Variants in SSC4D observed in about 807,000 individuals in gnomAD.
The protein encoded by SSC4D is scavenger receptor cysteine rich family member with 4 domains.
A neutral mutation model predicts 63.4 loss-of-function variants in SSC4D; 57 were observed. The ratio of observed to expected loss-of-function variants is 0.90; its 90% CI spans 0.73 to 1.12. SSC4D has a LOEUF of 1.12. Among genes scored for constraint, SSC4D ranks in the 50% most tolerant of loss-of-function variants. SSC4D has a pLI of 0.00. For synonymous variants in SSC4D, 352 were observed against 345.4 expected (o/e 1.02, Z -0.21); for missense variants, 791 against 806.4 (o/e 0.98, Z 0.23).
rs964194226 is a variant in SSC4D, at chr7:76,389,994, C to T, written c.*65G>A. On this transcript the variant is annotated 3_prime_UTR_variant, in exon 11 of 11. Transcript: ENST00000275560. ...AACTGTAGTCATCACAAGAGGAGGG[C>T]TTCCTGGAGGAGGAAGGGAGGTCAC... is the stretch of plus-strand genomic sequence containing the variant. The T allele has an allele frequency of 2.5e-6, 4 of 1,599,990 alleles. No individual in the cohort carries two copies. In the African/African-American group the frequency reaches 4.0e-5, roughly 16 times the overall value.
At chr7:76,407,368 G>T (rs1305347464) in intron 1 of SSC4D, among the ~76,000 whole-genome samples, 1 of 150,496 alleles carries the variant, frequency 6.6e-6, no homozygotes, top group Non-Finnish European at 1.5e-5. Flanking sequence ...GTCTCGCCTT[G>T]TCGCCCAGGC....
Position 76,390,343 on chromosome 7 carries a change from A to G in SSC4D, c.1444T>C (p.Cys482Arg), listed in dbSNP as rs775419001. Residue 482 changes from cysteine to arginine, a missense_variant, in exon 11 of 11, where the codon TGC becomes CGC. Coordinates refer to ENST00000275560, the MANE Select transcript of SSC4D (RefSeq NM_080744.2). ...AGGTAGAGCTCTACACGTCCCTCGC[A>G]TCGGTGGGCTCCATTGACCAGACGT... ...HLRLVNGAHR[C>R]EGRVELYLGQ... The G allele has an allele frequency of 1.9e-6, 3 of 1,604,326 alleles. No homozygotes were observed. The highest frequency in any genetic ancestry group is 1.7e-5 in the Admixed American group (1 of 59,358).
chr7:76,405,049 G>A (rs1292045352), intron 1 of SSC4D, among the ~76,000 whole-genome samples: 1 of 151,148 alleles, frequency 6.6e-6, no homozygotes, highest in East Asian at 2.0e-4. Flanking sequence ...CAGCCTGGGC[G>A]ACAGAGCAAG....
intron 2 of SSC4D, among the ~76,000 whole-genome samples, chr7:76,403,170 T>C (rs1804883927): frequency 6.6e-6 from 1 of 152,066 alleles, no homozygotes; most frequent in African/African-American, 2.4e-5. Flanking sequence ...TGCTTGAGAG[T>C]GGAGGTGGGA....
Position 76,400,358 on chromosome 7 carries a change from T to C in SSC4D, c.403A>G (p.Ser135Gly). The change falls in exon 4 of 11, where the codon AGC becomes GGC. Residue 135 changes from serine (S) to glycine (G), a missense_variant. By Grantham distance (56) the Ser-to-Gly change is moderately conservative (BLOSUM62 0). Coordinates refer to ENST00000275560, the MANE Select transcript of SSC4D (RefSeq NM_080744.2). ...CCCCAGCCGCGGCTGCCGCACTCGCTCAGCGCAGCTTCCTGCCCGCGGCAC... is the reference window on the plus strand; with the variant it reads ...CCCCAGCCGCGGCTGCCGCACTCGCCCAGCGCAGCTTCCTGCCCGCGGCAC... ...VECRGQEAAL[S>G]ECGSRGWGVH... 1 of 1,563,988 alleles carries C rather than the reference T, an allele frequency of 6.4e-7. No homozygotes were observed. Among genetic ancestry groups the C allele is most frequent in the Non-Finnish European group, 8.7e-7 (1 of 1,150,988 alleles).
intron 2 of SSC4D, among the ~76,000 whole-genome samples, chr7:76,402,499 G>A (rs112991273): frequency 0.025 from 3,832 of 151,446 alleles, 123 homozygotes; most frequent in East Asian, 0.13. Flanking sequence ...TTAATTTTTT[G>A]TAGAGACAGG....
chr7:76,389,722 A>C lies in SSC4D; in HGVS notation c.*337T>G. The C allele has an allele frequency of 3.7e-6, 1 of 266,872 alleles. No individual in the cohort carries two copies. Among genetic ancestry groups the C allele is most frequent in the South Asian group, 5.8e-5 (1 of 17,338 alleles). 16.5% of individuals were successfully genotyped at this position (266,872 alleles called of 1,614,324 possible). A position where few individuals can be genotyped will look rare whatever the true frequency, so the allele number is the denominator to read the frequency against. Reference sequence around the variant, plus strand: ...CCCCTGAGCCTCCTGGATCTAGGTCAAGGAAGGCAGAGTCTGGTGCTATAA... The same window carrying C: ...CCCCTGAGCCTCCTGGATCTAGGTCCAGGAAGGCAGAGTCTGGTGCTATAA... On this transcript the variant is annotated 3_prime_UTR_variant, in exon 11 of 11. Transcript: ENST00000275560.
chr7:76,395,426 G>A (rs2115754300), intron 6 of SSC4D, 96 bp from the exon 7 acceptor site: 1 of 1,270,030 alleles, frequency 7.9e-7, no homozygotes, highest in African/African-American at 1.5e-5. Context: ...TCTGCCTGGA[G>A]GAGAGAATAG....
At chr7:76,405,394 C>T (rs2115809432) in intron 1 of SSC4D, among the ~76,000 whole-genome samples, 1 of 109,784 alleles carries the variant, frequency 9.1e-6, no homozygotes, top group East Asian at 3.0e-4. Context: ...ATTGGCCAGG[C>T]TGGTTTCGAA....
Position 76,393,923 on chromosome 7 carries a change from T to G in SSC4D, c.947-19A>C. ...CCTGTAGCTGTGGAGACAGGGCATC[T>G]AGGGCGTTCGAAGGGGACGAGGAGG... is the stretch of plus-strand genomic sequence containing the variant. On this transcript the variant is annotated intron_variant, in intron 7 of 10. Coordinates refer to ENST00000275560, the MANE Select transcript of SSC4D (RefSeq NM_080744.2). 1 of 1,588,392 alleles carries G rather than the reference T, an allele frequency of 6.3e-7. No individual in the cohort carries two copies. Among genetic ancestry groups the G allele is most frequent in the African/African-American group, 1.3e-5 (1 of 74,452 alleles).
At chr7:76,394,721 C>G (rs1804589117) in intron 7 of SSC4D, among the ~76,000 whole-genome samples, 1 of 141,316 alleles carries the variant, frequency 7.1e-6, no homozygotes, top group Non-Finnish European at 1.5e-5. Context: ...AGCCACTATG[C>G]CTGGCAATTT....
At chr7:76,395,946 C>T (rs1201990583) in intron 6 of SSC4D, among the ~76,000 whole-genome samples, 1 of 152,228 alleles carries the variant, frequency 6.6e-6, no homozygotes, top group East Asian at 1.9e-4. Context: ...CCGCCCATCT[C>T]GGCCTCCCAA....
intron 9 of SSC4D, among the ~76,000 whole-genome samples, chr7:76,392,815 G>C (rs1198908075): frequency 6.6e-6 from 1 of 151,824 alleles, no homozygotes; most frequent in East Asian, 1.9e-4. Flanking sequence ...AAAAGAAATA[G>C]GTGTTGTGCC....
chr7:76,393,568 CGCAGGCCCGCAGCCCGCTTCGCG>C lies in SSC4D; in HGVS notation c.1147_1169del (p.Arg383AlafsTer69). On this transcript the variant is annotated frameshift_variant, in exon 9 of 11. Coordinates refer to ENST00000275560, the MANE Select transcript of SSC4D (RefSeq NM_080744.2). LOFTEE classifies it high-confidence loss of function. The stretch of plus-strand genomic sequence containing the variant: ...AGTGGCCCAGTCCCGTAGCGCCCAG[CGCAGGCCCGCAGCCCGCTTCGCG>C]GCAGGCCACGCGCGCGTCCGCAAAG... The C allele has an allele frequency of 6.6e-7, 1 of 1,514,108 alleles. No homozygotes were observed. The highest frequency in any genetic ancestry group is 2.6e-5 in the East Asian group (1 of 38,200). 93.8% of individuals were successfully genotyped at this position (1,514,108 alleles called of 1,614,324 possible).
chr7:76,398,868 G>T, intron 4 of SSC4D, 71 bp from the exon 5 acceptor site: 1 of 1,522,960 alleles, frequency 6.6e-7, no homozygotes, highest in Non-Finnish European at 9.1e-7. Flanking sequence ...TGTTTAAGGG[G>T]CAGGAGGATG....
intron 1 of SSC4D, among the ~76,000 whole-genome samples, chr7:76,406,247 G>A (rs1805028008): frequency 6.6e-6 from 1 of 152,066 alleles, no homozygotes; most frequent in Non-Finnish European, 1.5e-5. Flanking sequence ...CAAAGTGCTG[G>A]GATTACAGGC....
At chr7:76,407,673 C>G (rs1225311594) in intron 1 of SSC4D, among the ~76,000 whole-genome samples, 1 of 152,016 alleles carries the variant, frequency 6.6e-6, no homozygotes, top group African/African-American at 2.4e-5. Flanking sequence ...TTCAAGGCTG[C>G]AGTTAGCCAT....
chr7:76,391,991 G>T lies in SSC4D; in HGVS notation c.1384C>A (p.Arg462=). 1.9e-6 allele frequency: 3 copies of T among 1,594,340 alleles called. No individual in the cohort carries two copies. The highest frequency in any genetic ancestry group is 2.6e-6 in the Non-Finnish European group (3 of 1,170,286). The change falls in exon 10 of 11, where the codon CGG becomes AGG. Residue 462 remains arginine, a synonymous_variant. Transcript: ENST00000275560. ...QVQQDGSETT[R]VPTPRPRDGH... ...TCCCTGGGCCGAGGAGTGGGCACCC[G>T]CGTGGTCTCAGAACCATCCTGCTGG...
At position 76,392,625 on chromosome 7, in the gene SSC4D, TA is replaced by T. The variant is rs369057683; in HGVS notation, c.1334-585del. 4.7e-4 allele frequency among the ~76,000 whole-genome samples: 71 copies of T among 151,014 alleles called. 1 individual carries two copies. The East Asian group carries it at 0.012, about 26-fold the overall frequency. On this transcript the variant is annotated intron_variant, in intron 9 of 10. Coordinates refer to ENST00000275560, the MANE Select transcript of SSC4D (RefSeq NM_080744.2). ...GGGCAACACAGTGAGACCTCATCTC[TA>T]AAAAAAATTCAAAAATTAGCCAGGC... is the stretch of plus-strand genomic sequence containing the variant.
Sources: allele counts gnomAD v4.1 joint callset (sites outside exome capture counted in the v4.1 genomes callset), GRCh38; gene constraint gnomAD v4.1.1; transcripts MANE v1.5; gene names NCBI Gene and HGNC (gene_info 2026-07-23, HGNC 2026-07-21).